Variants in SPNS3 observed in about 807,000 individuals in gnomAD.
SPNS3 encodes the protein SPNS lysolipid transporter 3, sphingosine-1-phosphate (putative), also known as protein spinster homolog 3.
In SPNS3, 51 loss-of-function variants were observed where a neutral mutation model predicts 54.4. That is an observed-to-expected ratio of 0.94 (90% CI 0.75 to 1.18). SPNS3 has a LOEUF of 1.18. Among genes scored for constraint, SPNS3 ranks in the 50% most tolerant of loss-of-function variants. The probability of loss-of-function intolerance (pLI) is 0.00; values close to 1 mark genes in which losing one functional copy is unlikely to be tolerated. For synonymous variants in SPNS3, 309 were observed against 294.7 expected (o/e 1.05, Z -0.50); for missense variants, 669 against 677.4 (o/e 0.99, Z 0.14).
intron 1 of SPNS3, among the ~76,000 whole-genome samples, chr17:4,435,926 C>T (rs8077144): frequency 0.59 from 89,093 of 152,020 alleles, 26,954 homozygotes; most frequent in African/African-American, 0.71. Context: ...AGCGAGACTC[C>T]GTCTCAAACA....
intron 8 of SPNS3, among the ~76,000 whole-genome samples, chr17:4,468,721 T>TTTTCTTTTCTTTCTTTC (rs1555531860): frequency 2.5e-5 from 3 of 121,450 alleles, no homozygotes; most frequent in South Asian, 3.0e-4. Flanking sequence ...TCTCTCTTTC[T>TTTTCTTTTCTTTCTTTC]TTTCTTTCTT....
chr17:4,446,318 A>G (rs534735287), intron 4 of SPNS3, 119 bp downstream of exon 4: 26 of 1,098,078 alleles, frequency 2.4e-5, no homozygotes, highest in South Asian at 4.8e-5. Flanking sequence ...TTGAGTCCCA[A>G]TGCTACCCCT....
chr17:4,463,029 T>C (rs1971578891), intron 8 of SPNS3, among the ~76,000 whole-genome samples: 1 of 151,934 alleles, frequency 6.6e-6, no homozygotes, highest in African/African-American at 2.4e-5. Context: ...CTCCAAACTC[T>C]TCTTGGGTGG....
chr17:4,447,532 C>T (rs111229463), intron 5 of SPNS3, among the ~76,000 whole-genome samples: 22 of 152,182 alleles, frequency 1.4e-4, no homozygotes, highest in African/African-American at 5.1e-4. Flanking sequence ...ATGCAGGCTG[C>T]GCGCAGACCA....
At chr17:4,445,444 C>T (rs1416807946) in intron 3 of SPNS3, among the ~76,000 whole-genome samples, 2 of 151,070 alleles carry the variant, frequency 1.3e-5, no homozygotes, top group Non-Finnish European at 2.9e-5. Context: ...GGCGTGATCT[C>T]GACTCACTGC....
chr17:4,442,490 G>A (rs1237616093), intron 2 of SPNS3, among the ~76,000 whole-genome samples: 2 of 151,716 alleles, frequency 1.3e-5, no homozygotes, highest in Non-Finnish European at 2.9e-5. Context: ...CTGAGATCGT[G>A]CCACTGCACT....
At chr17:4,457,750 C>A (rs1164757299) in intron 8 of SPNS3, among the ~76,000 whole-genome samples, 1 of 107,972 alleles carries the variant, frequency 9.3e-6, no homozygotes, top group African/African-American at 3.5e-5. Context: ...GCCCCCCCCT[C>A]ACCCCCTGCA....
intron 1 of SPNS3, among the ~76,000 whole-genome samples, chr17:4,434,581 C>G (rs946018552): frequency 3.9e-5 from 6 of 152,170 alleles, no homozygotes; most frequent in African/African-American, 1.4e-4. Context: ...ACTGCAACCT[C>G]TGTCTCCCAG....
In SPNS3 at chr17:4,439,732, G is replaced by A. The variant is rs958141996; in HGVS notation, c.265+9G>A. Reference sequence around the variant, plus strand: ...TGGTTTGCTTCAGACTGGTAAGGAGGAGCCCTGGCTCTGGAGCCGGGGCCC... The same window carrying A: ...TGGTTTGCTTCAGACTGGTAAGGAGAAGCCCTGGCTCTGGAGCCGGGGCCC... On this transcript the variant is annotated intron_variant, in intron 2 of 11. Coordinates refer to ENST00000355530, the MANE Select transcript of SPNS3 (RefSeq NM_182538.5). The A allele has an allele frequency of 1.2e-6, 2 of 1,610,324 alleles. No individual in the cohort carries two copies. Among genetic ancestry groups the A allele is most frequent in the Non-Finnish European group, 1.7e-6 (2 of 1,178,440 alleles).
At chr17:4,472,151 G>A (rs1222247775) in intron 8 of SPNS3, among the ~76,000 whole-genome samples, 1 of 152,202 alleles carries the variant, frequency 6.6e-6, no homozygotes, top group Non-Finnish European at 1.5e-5. Context: ...GAGCCACTGC[G>A]CCTGGCCAAG....
intron 2 of SPNS3, among the ~76,000 whole-genome samples, chr17:4,441,449 C>A (rs886556557): frequency 1.1e-4 from 16 of 152,200 alleles, no homozygotes; most frequent in Non-Finnish European, 4.4e-5. Context: ...AATTGCCCCT[C>A]AATCTTGTGG....
At chr17:4,435,307 C>CAGCT (rs1272796484) in intron 1 of SPNS3, among the ~76,000 whole-genome samples, 3 of 151,480 alleles carry the variant, frequency 2.0e-5, no homozygotes, top group African/African-American at 7.3e-5. Context: ...CCTGTAATCT[C>CAGCT]AGCTACTGGG....
At chr17:4,456,131 T>C (rs1971307338) in intron 8 of SPNS3, among the ~76,000 whole-genome samples, 1 of 152,100 alleles carries the variant, frequency 6.6e-6, no homozygotes. Flanking sequence ...TTTGTATTTT[T>C]AGTAGAGATG....
chr17:4,488,062 A>T lies in SPNS3; in HGVS notation c.*168A>T. 1 of 647,732 alleles carries T rather than the reference A, an allele frequency of 1.5e-6. No homozygotes were observed. Among genetic ancestry groups the T allele is most frequent in the South Asian group, 1.9e-5 (1 of 53,394 alleles). The allele number at this position is 647,732 out of a possible 1,614,324, so 40.1% of individuals were successfully genotyped here. On this transcript the variant is annotated 3_prime_UTR_variant, in exon 12 of 12. Coordinates refer to ENST00000355530, the MANE Select transcript of SPNS3 (RefSeq NM_182538.5). The stretch of plus-strand genomic sequence containing the variant: ...GACCCTGTGGCTGGGCTGGGAATGG[A>T]GCTGTCAGCACTCTGCGTGGGAGGC...
At chr17:4,478,526 T>G (rs375704285) in intron 8 of SPNS3, 46 bp from the exon 9 acceptor site, 7 of 1,539,110 alleles carry the variant, frequency 4.5e-6, no homozygotes, top group Non-Finnish European at 5.3e-6. Context: ...GTGGGGTTGG[T>G]GACTGGGATC....
intron 8 of SPNS3, 78 bp from the exon 9 acceptor site, chr17:4,478,494 C>A: frequency 7.4e-7 from 1 of 1,343,672 alleles, no homozygotes; most frequent in South Asian, 1.3e-5. Flanking sequence ...AGTCTCTCCT[C>A]TCCACAGGTG....
At chr17:4,474,823 T>C (rs1196188535) in intron 8 of SPNS3, among the ~76,000 whole-genome samples, 1 of 150,412 alleles carries the variant, frequency 6.6e-6, no homozygotes, top group Non-Finnish European at 1.5e-5. Flanking sequence ...TGTGCCAGGG[T>C]TTATAGTCAT....
Position 4,488,104 on chromosome 17 carries a change from A to C in SPNS3, c.*210A>C. 8.5e-6 allele frequency: 5 copies of C among 585,506 alleles called. 1 individual carries two copies. The South Asian group carries it at 1.0e-4, about 12-fold the overall frequency. The allele number at this position is 585,506 out of a possible 1,614,324, so 36.3% of individuals were successfully genotyped here. A position where few individuals can be genotyped will look rare whatever the true frequency, so the allele number is the denominator to read the frequency against. Reference sequence around the variant, plus strand: ...GTGGGAGGCCTGGGCCTGTGCCTGCATCCCGCTCAAGGCTGCCCCAGCCTG... The same window carrying C: ...GTGGGAGGCCTGGGCCTGTGCCTGCCTCCCGCTCAAGGCTGCCCCAGCCTG... On this transcript the variant is annotated 3_prime_UTR_variant, in exon 12 of 12. Coordinates refer to ENST00000355530, the MANE Select transcript of SPNS3 (RefSeq NM_182538.5).
intron 11 of SPNS3, among the ~76,000 whole-genome samples, chr17:4,487,131 C>G (rs1165586221): frequency 6.9e-6 from 1 of 144,320 alleles, no homozygotes; most frequent in Non-Finnish European, 1.5e-5. Flanking sequence ...GAGATCTCGC[C>G]ACTGCACTCC....
Sources: allele counts gnomAD v4.1 joint callset (sites outside exome capture counted in the v4.1 genomes callset), GRCh38; gene constraint gnomAD v4.1.1; transcripts MANE v1.5; gene names NCBI Gene and HGNC (gene_info 2026-07-23, HGNC 2026-07-21).